Variants in PCDH17 observed in about 807,000 individuals in gnomAD.
PCDH17 encodes the protein protocadherin-17.
In PCDH17, 21 loss-of-function variants were observed where a neutral mutation model predicts 67.7. The ratio of observed to expected loss-of-function variants is 0.31; its 90% CI spans 0.22 to 0.45. PCDH17 has a LOEUF of 0.45. PCDH17 is among the 20% of genes least tolerant of loss of function. The pLI, the probability that PCDH17 is intolerant of heterozygous loss-of-function variation, is 1.00. For synonymous variants in PCDH17, 701 were observed against 656.7 expected (o/e 1.07, Z -1.03); for missense variants, 1,471 against 1,564.8 (o/e 0.94, Z 1.01).
intron 3 of PCDH17, among the ~76,000 whole-genome samples, chr13:57,669,475 C>A (rs1000244119): frequency 1.3e-5 from 2 of 151,596 alleles, no homozygotes; most frequent in Admixed American, 1.3e-4. Context: ...CTATATATCT[C>A]TTTATCTATC....
intron 3 of PCDH17, among the ~76,000 whole-genome samples, chr13:57,697,478 A>C (rs1167390471): frequency 2.0e-5 from 3 of 151,660 alleles, no homozygotes; most frequent in African/African-American, 7.2e-5. Flanking sequence ...AATAGGCTAA[A>C]TGATGTTAAG....
chr13:57,671,034 A>G (rs1308633249), intron 3 of PCDH17, among the ~76,000 whole-genome samples: 1 of 151,914 alleles, frequency 6.6e-6, no homozygotes, highest in African/African-American at 2.4e-5. Flanking sequence ...TGTGATGGGA[A>G]AAAAATCAAA....
At chr13:57,665,075 G>A (rs1420121212) in intron 1 of PCDH17, among the ~76,000 whole-genome samples, 1 of 152,086 alleles carries the variant, frequency 6.6e-6, no homozygotes. Context: ...TTGACATGCA[G>A]GTGAGTGAAG....
rs375554370 is a variant in PCDH17, at chr13:57,633,751, G to C, written c.1205G>C (p.Gly402Ala). 1.3e-6 allele frequency: 2 copies of C among 1,588,274 alleles called. No individual in the cohort carries two copies. Among genetic ancestry groups the C allele is most frequent in the East Asian group, 2.3e-5 (1 of 43,898 alleles). The change falls in exon 1 of 4, where the codon GGC becomes GCC. Residue 402 changes from glycine (G) to alanine (A), a missense_variant. Around this residue, in one of 3 missense-constraint regions of PCDH17, gnomAD observed 1,163 missense variants for 1,230.0 expected, o/e 0.95. Coordinates refer to ENST00000377918, the MANE Select transcript of PCDH17 (RefSeq NM_001040429.3). The surrounding 1 kb of genome is among the most constrained non-coding windows in gnomAD (Gnocchi z 6.2). ...LGGGGTGGGG[G>A]LGGPGGSVPF... ...GGAGGAGGGACGGGCGGCGGCGGGGGCCTGGGCGGGCCCGGGGGTTCCGTC... is the reference window on the plus strand; with the variant it reads ...GGAGGAGGGACGGGCGGCGGCGGGGCCCTGGGCGGGCCCGGGGGTTCCGTC...
chr13:57,695,702 C>T (rs1430572241), intron 3 of PCDH17, among the ~76,000 whole-genome samples: 1 of 151,212 alleles, frequency 6.6e-6, no homozygotes, highest in East Asian at 1.9e-4. Flanking sequence ...ATGTTATGGA[C>T]CAATGTGGTA....
chr13:57,680,708 C>A (rs1415780807), intron 3 of PCDH17, among the ~76,000 whole-genome samples: 4 of 151,642 alleles, frequency 2.6e-5, no homozygotes, highest in Non-Finnish European at 5.9e-5. Flanking sequence ...GTTTAAAACT[C>A]TCTGAACTTT....
intron 3 of PCDH17, among the ~76,000 whole-genome samples, chr13:57,719,277 A>G (rs769955255): frequency 1.3e-5 from 2 of 152,068 alleles, no homozygotes; most frequent in South Asian, 2.1e-4. Flanking sequence ...TTCTATTTAC[A>G]TCTGTTTACA....
chr13:57,689,413 G>A (rs1440919792), intron 3 of PCDH17, among the ~76,000 whole-genome samples: 2 of 151,998 alleles, frequency 1.3e-5, no homozygotes, highest in South Asian at 2.1e-4. Context: ...GATAGTGAAA[G>A]GAGAATGTAG....
At chr13:57,686,489 T>C (rs1054165608) in intron 3 of PCDH17, among the ~76,000 whole-genome samples, 14 of 152,082 alleles carry the variant, frequency 9.2e-5, no homozygotes, top group African/African-American at 3.1e-4. Context: ...GCAAAGATGA[T>C]ATCAAAGGGG....
At chr13:57,636,479 AT>A (rs1422119692) in intron 1 of PCDH17, among the ~76,000 whole-genome samples, 2 of 152,154 alleles carry the variant, frequency 1.3e-5, no homozygotes, top group Non-Finnish European at 2.9e-5. Context: ...AGCAAAATAT[AT>A]TTTCCTATAA....
At position 57,633,068 on chromosome 13, in the gene PCDH17, C is replaced by T. The variant is rs141382823; in HGVS notation, c.522C>T (p.Asp174=). Residue 174 remains aspartate, a synonymous_variant, in exon 1 of 4, where the codon GAC becomes GAT. Transcript: ENST00000377918. This position sits in a 1 kb window ranked among gnomAD's most constrained non-coding sequence, Gnocchi z 6.2. ...NGLRTYLLTR[D]DHGLFGLDVK... Reference sequence around the variant, plus strand: ...TCCGCACCTACCTGCTCACGCGCGACGATCACGGCCTCTTTGGACTGGACG... The same window carrying T: ...TCCGCACCTACCTGCTCACGCGCGATGATCACGGCCTCTTTGGACTGGACG... 91 of 1,613,346 alleles carry T rather than the reference C, an allele frequency of 5.6e-5. No individual in the cohort carries two copies. In the African/African-American group the frequency reaches 9.9e-4, roughly 17 times the overall value.
intron 1 of PCDH17, among the ~76,000 whole-genome samples, chr13:57,665,106 T>A (rs1446438000): frequency 6.6e-6 from 1 of 152,172 alleles, no homozygotes. Flanking sequence ...CTTCACTTCA[T>A]CTTTGCGTGT....
At chr13:57,685,902 A>G (rs977445124) in intron 3 of PCDH17, among the ~76,000 whole-genome samples, 3 of 151,936 alleles carry the variant, frequency 2.0e-5, no homozygotes, top group African/African-American at 4.8e-5. Flanking sequence ...CCTGGGCAAC[A>G]CAGTGAGATC....
chr13:57,716,733 T>C (rs1032934656), intron 3 of PCDH17, among the ~76,000 whole-genome samples: 2 of 151,900 alleles, frequency 1.3e-5, no homozygotes, highest in African/African-American at 2.4e-5. Context: ...TAAAGAGATA[T>C]AGTCTTACAA....
chr13:57,681,484 TG>T (rs1397130909), intron 3 of PCDH17, among the ~76,000 whole-genome samples: 1 of 151,782 alleles, frequency 6.6e-6, no homozygotes. Context: ...TTTTTGGTTT[TG>T]TTTTATTCTG....
intron 3 of PCDH17, among the ~76,000 whole-genome samples, chr13:57,696,101 A>G (rs1205852150): frequency 1.3e-5 from 2 of 151,406 alleles, no homozygotes; most frequent in Non-Finnish European, 1.5e-5. Flanking sequence ...GTAACTCTGT[A>G]CATATGATAA....
chr13:57,699,751 G>A (rs61961908), intron 3 of PCDH17, among the ~76,000 whole-genome samples: 9,627 of 151,462 alleles, frequency 0.064, 337 homozygotes, highest in Middle Eastern at 0.099. Context: ...ATCTTCTACC[G>A]CATTTTTTCA....
intron 3 of PCDH17, among the ~76,000 whole-genome samples, chr13:57,712,456 T>C (rs1955785155): frequency 6.6e-6 from 1 of 151,752 alleles, no homozygotes. Flanking sequence ...AGAAATGTGC[T>C]GTGAAAGCAA....
At chr13:57,718,253 T>TAA (rs1955840243) in intron 3 of PCDH17, among the ~76,000 whole-genome samples, 1 of 151,988 alleles carries the variant, frequency 6.6e-6, no homozygotes. Context: ...TTAAAAATGG[T>TAA]GTTAAAATAA....
Sources: allele counts gnomAD v4.1 joint callset (sites outside exome capture counted in the v4.1 genomes callset), GRCh38; gene constraint gnomAD v4.1.1; regional missense constraint gnomAD v4.1.1; non-coding constraint Gnocchi (gnomAD v3.1); transcripts MANE v1.5; gene names NCBI Gene and HGNC (gene_info 2026-07-23, HGNC 2026-07-21).